The following WWC2 variants were observed in gnomAD, a reference collection of about 807,000 sequenced individuals.
The protein encoded by WWC2 is protein WWC2.
WWC2 carries 101 observed loss-of-function variants against 138.5 expected under a neutral mutation model. That is an observed-to-expected ratio of 0.73 (90% CI 0.62 to 0.86). The LOEUF (loss-of-function observed/expected upper bound fraction) is 0.86. Among genes scored for constraint, WWC2 ranks in the 40% least tolerant of loss-of-function variants. The pLI is 0.00. For synonymous variants in WWC2, 558 were observed against 538.4 expected, an observed-to-expected ratio of 1.04 and a Z score of -0.50; for missense variants, 1,420 against 1,419.4, an observed-to-expected ratio of 1.00 and a Z score of -0.01.
Position 183,193,649 on chromosome 4 carries a change from G to T in WWC2, c.182G>T (p.Trp61Leu). 1 of 1,613,866 alleles carries T rather than the reference G, an allele frequency of 6.2e-7. No individual in the cohort carries two copies. Among genetic ancestry groups the T allele is most frequent in the Non-Finnish European group, 8.5e-7 (1 of 1,179,874 alleles). ...FADCVGDELP[W>L]GWEAGFDPQI... is the part of the protein sequence containing the mutation. Reference sequence around the variant, plus strand: ...GATTGTGTTGGGGATGAGCTGCCGTGGGGATGGGAAGCAGGGTTTGACCCT... The same window carrying T: ...GATTGTGTTGGGGATGAGCTGCCGTTGGGATGGGAAGCAGGGTTTGACCCT... Residue 61 changes from tryptophan (W) to leucine (L), a missense_variant, in exon 2 of 23, where the codon TGG becomes TTG. Trp to Leu is a moderately conservative substitution (Grantham distance 61). Transcript: ENST00000403733.
chr4:183,234,818 C>G (rs1736365650), intron 4 of WWC2, among the ~76,000 whole-genome samples: 1 of 152,100 alleles, frequency 6.6e-6, no homozygotes, highest in South Asian at 2.1e-4. Flanking sequence ...CTAGTAGAGT[C>G]TACATTGTGC....
In WWC2 at chr4:183,170,846, ATT is replaced by A. The variant is rs10583073; in HGVS notation, c.132-22737_132-22736del. On this transcript the variant is annotated intron_variant, in intron 1 of 22. Transcript: ENST00000403733. ...TAGCTGGGACTACACTAGCTAATTA[ATT>A]TTTTTTTTTTTTTTTAATAGAGAGT... is the stretch of plus-strand genomic sequence containing the variant. 7.2e-3 allele frequency among the ~76,000 whole-genome samples: 1,068 copies of A among 147,926 alleles called. 10 individuals carry two copies. Among genetic ancestry groups the A allele is most frequent in the African/African-American group, 0.022 (884 of 40,358 alleles).
At chr4:183,175,606 C>T (rs1015321059) in intron 1 of WWC2, among the ~76,000 whole-genome samples, 1 of 152,134 alleles carries the variant, frequency 6.6e-6, no homozygotes, top group Non-Finnish European at 1.5e-5. Flanking sequence ...AAATTGCGAT[C>T]CCATCGTGGT....
chr4:183,206,325 A>T (rs1735446246), intron 2 of WWC2, among the ~76,000 whole-genome samples: 1 of 151,820 alleles, frequency 6.6e-6, no homozygotes, highest in Non-Finnish European at 1.5e-5. Flanking sequence ...ATCAAGCTTC[A>T]TGTGTTTTCT....
At chr4:183,262,766 T>A (rs901420323) in intron 11 of WWC2, among the ~76,000 whole-genome samples, 1 of 151,750 alleles carries the variant, frequency 6.6e-6, no homozygotes, top group Non-Finnish European at 1.5e-5. Context: ...TGGGAAGGAG[T>A]ACGGTGTGTG....
chr4:183,133,788 C>T (rs1321728051), intron 1 of WWC2, among the ~76,000 whole-genome samples: 1 of 152,210 alleles, frequency 6.6e-6, no homozygotes, highest in Non-Finnish European at 1.5e-5. Context: ...AGCCACCATG[C>T]CCCGCCTTCT....
At chr4:183,157,632 C>G (rs1460663578) in intron 1 of WWC2, among the ~76,000 whole-genome samples, 1 of 152,166 alleles carries the variant, frequency 6.6e-6, no homozygotes. Flanking sequence ...TCCCAAGTAG[C>G]TGGCATTACA....
intron 1 of WWC2, among the ~76,000 whole-genome samples, chr4:183,177,095 G>GAGCA (rs1325877152): frequency 6.6e-6 from 1 of 152,154 alleles, no homozygotes; most frequent in East Asian, 1.9e-4. Flanking sequence ...AGGAGGACTA[G>GAGCA]AGCAATAAAG....
chr4:183,123,533 C>T (rs893930604), intron 1 of WWC2, among the ~76,000 whole-genome samples: 1 of 152,006 alleles, frequency 6.6e-6, no homozygotes, highest in African/African-American at 2.4e-5. Context: ...TGCTCTACCC[C>T]AGCATCAGGA....
intron 21 of WWC2, among the ~76,000 whole-genome samples, chr4:183,290,566 CA>C (rs1738415886): frequency 6.6e-6 from 1 of 151,444 alleles, no homozygotes; most frequent in Non-Finnish European, 1.5e-5. Flanking sequence ...ATTATTTTGG[CA>C]CCTACATACT....
chr4:183,265,576 T>G, intron 12 of WWC2, 112 bp from the exon 13 acceptor site: 1 of 1,075,296 alleles, frequency 9.3e-7, no homozygotes, highest in Non-Finnish European at 1.4e-6. Context: ...TGGGAGGGCA[T>G]AGGAGTGCTG....
intron 16 of WWC2, among the ~76,000 whole-genome samples, chr4:183,271,524 G>C (rs1042458732): frequency 1.8e-4 from 27 of 152,174 alleles, no homozygotes; most frequent in Non-Finnish European, 3.1e-4. Context: ...CTGGTTTTAA[G>C]TGATCATGGA....
intron 1 of WWC2, among the ~76,000 whole-genome samples, chr4:183,125,588 T>C (rs1007884060): frequency 2.6e-5 from 4 of 152,222 alleles, no homozygotes; most frequent in African/African-American, 9.6e-5. Context: ...TAAAGTTTTA[T>C]AATATTGTCT....
chr4:183,145,615 A>G (rs1350073125), intron 1 of WWC2, among the ~76,000 whole-genome samples: 1 of 152,210 alleles, frequency 6.6e-6, no homozygotes, highest in African/African-American at 2.4e-5. Flanking sequence ...AGCTGGAGCA[A>G]CTTCTTCAGG....
intron 21 of WWC2, among the ~76,000 whole-genome samples, chr4:183,310,314 A>T (rs1389923204): frequency 6.6e-6 from 1 of 152,164 alleles, no homozygotes; most frequent in African/African-American, 2.4e-5. Context: ...CAGGGAGTCA[A>T]TGAGAACTCT....
At chr4:183,256,826 T>C (rs1331108087) in intron 9 of WWC2, among the ~76,000 whole-genome samples, 1 of 149,770 alleles carries the variant, frequency 6.7e-6, no homozygotes, top group Non-Finnish European at 1.5e-5. Flanking sequence ...TTGCTGAACG[T>C]TGGTGTCTGA....
chr4:183,209,564 A>G (rs1284265557), intron 4 of WWC2, among the ~76,000 whole-genome samples: 1 of 152,168 alleles, frequency 6.6e-6, no homozygotes, highest in Non-Finnish European at 1.5e-5. Context: ...GTTAGCAGTT[A>G]GAATATTGAA....
intron 1 of WWC2, among the ~76,000 whole-genome samples, chr4:183,149,342 G>A (rs911534066): frequency 1.3e-5 from 2 of 152,170 alleles, no homozygotes; most frequent in South Asian, 4.2e-4. Context: ...CAAATCTTTG[G>A]CCGGGCGCGG....
intron 21 of WWC2, among the ~76,000 whole-genome samples, chr4:183,296,128 A>G (rs1461802101): frequency 1.3e-5 from 2 of 152,238 alleles, no homozygotes; most frequent in Non-Finnish European, 2.9e-5. Flanking sequence ...TGTCTTCATA[A>G]AGGTGCTGCC....
Sources: gnomAD v4.1 joint callset for allele counts (sites outside exome capture counted in the v4.1 genomes callset) on GRCh38, gnomAD v4.1.1 for gene constraint, MANE v1.5 for transcripts, NCBI Gene and HGNC (gene_info 2026-07-23, HGNC 2026-07-21) for gene names.